Variants in FGF12 observed in about 807,000 individuals in gnomAD.
The protein encoded by FGF12 is fibroblast growth factor 12.
Under a neutral mutation model 23.6 loss-of-function variants are expected in FGF12, and 14 were observed. That is an observed-to-expected ratio of 0.59 (90% CI 0.39 to 0.93). The LOEUF (loss-of-function observed/expected upper bound fraction) is 0.93, where lower values mean the gene tolerates loss of function less well. FGF12 is among the 40% of genes least tolerant of loss of function. The probability of loss-of-function intolerance (pLI) is 0.00; values close to 1 mark genes in which losing one functional copy is unlikely to be tolerated. For synonymous variants in FGF12, 62 were observed against 77.3 expected, an observed-to-expected ratio of 0.80 and a Z score of 1.04; for missense variants, 175 against 217.8, an observed-to-expected ratio of 0.80 and a Z score of 1.24.
At position 192,506,892 on chromosome 3, in the gene FGF12, GTT is replaced by G. The variant is rs34935744; in HGVS notation, c.14-146356_14-146355del. 4.9e-3 allele frequency among the ~76,000 whole-genome samples: 609 copies of G among 123,368 alleles called. 4 individuals are homozygous for G. The highest frequency in any genetic ancestry group is 9.3e-3 in the African/African-American group (316 of 34,084). The allele number at this position is 123,368 out of a possible 152,430, so 80.9% of individuals were successfully genotyped here. On this transcript the variant is annotated intron_variant, in intron 2 of 5. Coordinates refer to ENST00000445105, the MANE Select transcript of FGF12 (RefSeq NM_004113.6). Reference sequence around the variant, plus strand: ...CCATCTAGTCATGGCCATTAACTCAGTTTTTTTTTTTTTTTTTGAGATGGAGT... The same window carrying G: ...CCATCTAGTCATGGCCATTAACTCAGTTTTTTTTTTTTTTTGAGATGGAGT...
intron 2 of FGF12, among the ~76,000 whole-genome samples, chr3:192,560,724 T>TGCTGAACTATATACAACC (rs1711984920): frequency 6.6e-6 from 1 of 152,126 alleles, no homozygotes; most frequent in Non-Finnish European, 1.5e-5. Context: ...TTGGTTTAAC[T>TGCTGAACTATATACAACC]GCTGAACTAT....
chr3:192,200,073 T>C (rs1717282854), intron 4 of FGF12, among the ~76,000 whole-genome samples: 3 of 151,768 alleles, frequency 2.0e-5, no homozygotes, highest in East Asian at 1.9e-4. Context: ...TCCCAGCGCT[T>C]TGGGAGGCCG....
At chr3:192,198,116 G>T (rs1337135672) in intron 4 of FGF12, among the ~76,000 whole-genome samples, 1 of 151,784 alleles carries the variant, frequency 6.6e-6, no homozygotes, top group Admixed American at 6.6e-5. Flanking sequence ...AGACCCCAAA[G>T]GATCCAGAAC....
intron 2 of FGF12, among the ~76,000 whole-genome samples, chr3:192,668,872 A>G (rs1442756805): frequency 6.6e-6 from 1 of 152,214 alleles, no homozygotes; most frequent in African/African-American, 2.4e-5. Flanking sequence ...AAATCTGAAT[A>G]AGACTTTTTA....
intron 2 of FGF12, among the ~76,000 whole-genome samples, chr3:192,533,177 A>C (rs1386696460): frequency 6.6e-6 from 1 of 152,166 alleles, no homozygotes; most frequent in Non-Finnish European, 1.5e-5. Flanking sequence ...ATCTATAGTC[A>C]AATTACCAAA....
intron 4 of FGF12, among the ~76,000 whole-genome samples, chr3:192,278,861 C>A (rs1221334075): frequency 1.3e-5 from 2 of 152,124 alleles, no homozygotes; most frequent in African/African-American, 4.8e-5. Flanking sequence ...CTCTGGTTCC[C>A]TTCCTGCTCC....
chr3:192,711,038 A>G (rs1047220166), intron 2 of FGF12, among the ~76,000 whole-genome samples: 2 of 152,184 alleles, frequency 1.3e-5, no homozygotes, highest in African/African-American at 4.8e-5. Context: ...AGCCCCACCC[A>G]TGAACACAGA....
At chr3:192,433,867 G>A (rs1008738866) in intron 2 of FGF12, among the ~76,000 whole-genome samples, 4 of 152,152 alleles carry the variant, frequency 2.6e-5, no homozygotes, top group African/African-American at 9.7e-5. Flanking sequence ...GCACTTTTGT[G>A]CCATGCCCCA....
intron 4 of FGF12, among the ~76,000 whole-genome samples, chr3:192,316,362 G>A (rs1716228553): frequency 6.6e-6 from 1 of 152,168 alleles, no homozygotes; most frequent in African/African-American, 2.4e-5. Context: ...GCACTGAAGA[G>A]GGTAGGAAAG....
Position 192,271,997 on chromosome 3 carries a change from T to A in FGF12, c.228+63364A>T, listed in dbSNP as rs183256836. Among the ~76,000 whole-genome samples, 195 of 152,298 alleles carry A rather than the reference T, an allele frequency of 1.3e-3. 3 individuals are homozygous for A. Among genetic ancestry groups the A allele is most frequent in the African/African-American group, 4.4e-3 (184 of 41,570 alleles). On this transcript the variant is annotated intron_variant, in intron 4 of 5. Coordinates refer to ENST00000445105, the MANE Select transcript of FGF12 (RefSeq NM_004113.6). Reference sequence around the variant, plus strand: ...CTGATCTGGTCCTACTCATTTCTCTTATCCAGTTCTAGGGTTTTCTGGGAA... The same window carrying A: ...CTGATCTGGTCCTACTCATTTCTCTAATCCAGTTCTAGGGTTTTCTGGGAA...
chr3:192,318,303 T>C (rs1435394012), intron 4 of FGF12, among the ~76,000 whole-genome samples: 3 of 152,068 alleles, frequency 2.0e-5, no homozygotes, highest in African/African-American at 4.8e-5. Context: ...TTCAAAATAA[T>C]TGTTTTGAGG....
At chr3:192,665,711 A>G (rs1169807323) in intron 2 of FGF12, among the ~76,000 whole-genome samples, 4 of 152,138 alleles carry the variant, frequency 2.6e-5, no homozygotes, top group Non-Finnish European at 4.4e-5. Context: ...ACCATGGCAC[A>G]TGTATACAAA....
chr3:192,324,453 T>C (rs1030552073), intron 4 of FGF12, among the ~76,000 whole-genome samples: 1 of 152,232 alleles, frequency 6.6e-6, no homozygotes, highest in Non-Finnish European at 1.5e-5. Context: ...TTACTGCTTA[T>C]GGCTAACACT....
At chr3:192,265,202 G>C (rs1272626848) in intron 4 of FGF12, 1 of 151,996 alleles carries the variant, frequency 6.6e-6, no homozygotes, top group Non-Finnish European at 1.5e-5. Flanking sequence ...CAATAATAGA[G>C]TCAAGTCTTA....
intron 4 of FGF12, among the ~76,000 whole-genome samples, chr3:192,303,216 T>C (rs1264270944): frequency 6.6e-6 from 1 of 152,182 alleles, no homozygotes; most frequent in Non-Finnish European, 1.5e-5. Context: ...ATTACACAAA[T>C]TTAAGTATGG....
rs971292726 is a variant in FGF12 at position 192,139,745 on chromosome 3, C to A, written c.*4264G>T. On this transcript the variant is annotated 3_prime_UTR_variant, in exon 6 of 6. Coordinates refer to ENST00000445105, the MANE Select transcript of FGF12 (RefSeq NM_004113.6). Reference sequence around the variant, plus strand: ...TTTTTGCTTCCGTCTGTTACTAAAGCTCAATACATCATTCTGAACATTATT... The same window carrying A: ...TTTTTGCTTCCGTCTGTTACTAAAGATCAATACATCATTCTGAACATTATT... 1.3e-5 allele frequency: 2 copies of A among 151,902 alleles called. No homozygotes were observed. The highest frequency in any genetic ancestry group is 2.9e-5 in the Non-Finnish European group (2 of 67,916). 9.4% of individuals were successfully genotyped at this position (151,902 alleles called of 1,614,324 possible).
At chr3:192,594,033 CA>C (rs1175535431) in intron 2 of FGF12, among the ~76,000 whole-genome samples, 1 of 151,814 alleles carries the variant, frequency 6.6e-6, no homozygotes, top group African/African-American at 2.4e-5. Flanking sequence ...TAAAGTTATG[CA>C]AAAAGAGCAA....
At chr3:192,190,926 C>A (rs79036313) in intron 4 of FGF12, among the ~76,000 whole-genome samples, 22 of 152,034 alleles carry the variant, frequency 1.4e-4, no homozygotes, top group Non-Finnish European at 3.1e-4. Flanking sequence ...TTATTTATGA[C>A]CCTTATCTGA....
chr3:192,552,290 A>C (rs1163071593), intron 2 of FGF12, among the ~76,000 whole-genome samples: 1 of 152,108 alleles, frequency 6.6e-6, no homozygotes, highest in East Asian at 1.9e-4. Flanking sequence ...AAATTCAACT[A>C]TTTGTGAAAA....
Sources: allele counts gnomAD v4.1 joint callset (sites outside exome capture counted in the v4.1 genomes callset), GRCh38; gene constraint gnomAD v4.1.1; transcripts MANE v1.5; gene names NCBI Gene and HGNC (gene_info 2026-07-23, HGNC 2026-07-21).